PDE4D: variants seen among roughly 807,000 people sequenced by gnomAD.
PDE4D encodes the protein 3',5'-cyclic-AMP phosphodiesterase 4D.
PDE4D carries 24 observed loss-of-function variants against 87.4 expected under a neutral mutation model. That is an observed-to-expected ratio of 0.27 (90% CI 0.20 to 0.39). The LOEUF (loss-of-function observed/expected upper bound fraction) is 0.39. Ranked by LOEUF, PDE4D falls within the 10% of genes least tolerant of loss-of-function variation. PDE4D has a pLI of 1.00. For missense variants in PDE4D, 714 were observed against 1,041.0 expected (o/e 0.69, Z 4.32); for synonymous variants, 384 against 383.2 (o/e 1.00, Z -0.02).
chr5:59,978,355 T>A (rs1355871231), intron 3 of PDE4D, among the ~76,000 whole-genome samples: 1 of 152,126 alleles, frequency 6.6e-6, no homozygotes, highest in East Asian at 1.9e-4. Context: ...TGGAAGAAAT[T>A]GATTCCAACC....
chr5:58,976,939 C>T (rs1743959467), intron 12 of PDE4D, among the ~76,000 whole-genome samples: 1 of 152,114 alleles, frequency 6.6e-6, no homozygotes, highest in East Asian at 1.9e-4. Flanking sequence ...TCTCTGCCCG[C>T]CACCAGACTG....
chr5:59,406,209 TTGG>T (rs1467745550), intron 1 of PDE4D, among the ~76,000 whole-genome samples: 2 of 152,158 alleles, frequency 1.3e-5, no homozygotes, highest in Non-Finnish European at 2.9e-5. Context: ...CTTGATGGTA[TTGG>T]TCTGTTCAGG....
chr5:59,538,863 G>A (rs1316154263), intron 1 of PDE4D, among the ~76,000 whole-genome samples: 1 of 152,102 alleles, frequency 6.6e-6, no homozygotes, highest in Non-Finnish European at 1.5e-5. Flanking sequence ...TGCACATTCA[G>A]TAATGTGGTA....
chr5:60,337,597 G>A (rs1432740825), intron 1 of PDE4D, among the ~76,000 whole-genome samples: 3 of 151,606 alleles, frequency 2.0e-5, no homozygotes, highest in Non-Finnish European at 4.4e-5. Context: ...GGATTTTACT[G>A]TAAATAAATA....
rs1295982121 is a variant in PDE4D at position 59,661,182 on chromosome 5, A to G, written c.455+231986T>C. On this transcript the variant is annotated intron_variant, in intron 1 of 14. Transcript: ENST00000340635. ...AGTTTTAATAACTATAAACATGTTG[A>G]ACATTTTAAATTTCTGGCAATATAA... Among the ~76,000 whole-genome samples the G allele has an allele frequency of 5.3e-5, 8 of 151,902 alleles. No individual in the cohort carries two copies. The East Asian group carries it at 1.4e-3, about 26-fold the overall frequency.
intron 1 of PDE4D, among the ~76,000 whole-genome samples, chr5:59,353,449 T>C (rs191039410): frequency 1.9e-4 from 29 of 152,106 alleles, no homozygotes; most frequent in African/African-American, 7.0e-4. Context: ...CTCTTTCTTC[T>C]CTATAATACT....
chr5:60,226,230 T>C (rs889374098), intron 1 of PDE4D, among the ~76,000 whole-genome samples: 1 of 152,108 alleles, frequency 6.6e-6, no homozygotes, highest in Non-Finnish European at 1.5e-5. Flanking sequence ...AAAGGGTTCT[T>C]TAAAGTGACT....
intron 1 of PDE4D, among the ~76,000 whole-genome samples, chr5:59,645,528 A>T (rs1285188739): frequency 6.6e-6 from 1 of 152,106 alleles, no homozygotes; most frequent in African/African-American, 2.4e-5. Context: ...GTGTGATTAT[A>T]TTCTTGTGGT....
intron 1 of PDE4D, among the ~76,000 whole-genome samples, chr5:59,350,360 C>T (rs1471393443): frequency 6.6e-6 from 1 of 152,090 alleles, no homozygotes; most frequent in Non-Finnish European, 1.5e-5. Flanking sequence ...GCACACAGAG[C>T]CAGGGTTCTA....
At chr5:60,360,947 T>C (rs1301753685) in intron 1 of PDE4D, among the ~76,000 whole-genome samples, 1 of 152,222 alleles carries the variant, frequency 6.6e-6, no homozygotes, top group Non-Finnish European at 1.5e-5. Flanking sequence ...GGAAATGAAC[T>C]ATCAAATCCT....
intron 3 of PDE4D, among the ~76,000 whole-genome samples, chr5:59,908,379 C>T (rs1008317433): frequency 7.9e-5 from 12 of 152,230 alleles, no homozygotes; most frequent in East Asian, 1.9e-4. Context: ...TTATTGGTTA[C>T]GGCTTCCGAA....
At chr5:59,191,336 T>C (rs556678933) in intron 3 of PDE4D, among the ~76,000 whole-genome samples, 112 of 152,088 alleles carry the variant, frequency 7.4e-4, no homozygotes, top group African/African-American at 2.6e-3. Flanking sequence ...TATTACTTGA[T>C]GTAAAAGACC....
intron 1 of PDE4D, among the ~76,000 whole-genome samples, chr5:59,574,073 T>A (rs1232478297): frequency 2.6e-4 from 4 of 15,496 alleles, no homozygotes; most frequent in East Asian, 3.4e-3. Flanking sequence ...TATATATATT[T>A]ATATATATAT....
chr5:59,154,740 G>C (rs1197994439), intron 5 of PDE4D, among the ~76,000 whole-genome samples: 1 of 152,134 alleles, frequency 6.6e-6, no homozygotes, highest in Admixed American at 6.5e-5. Context: ...ACAAAAATTA[G>C]CTGGGTGTGA....
chr5:59,375,167 C>T (rs1196164487), intron 1 of PDE4D, among the ~76,000 whole-genome samples: 1 of 152,036 alleles, frequency 6.6e-6, no homozygotes, highest in East Asian at 1.9e-4. Flanking sequence ...CAGCAGATGA[C>T]AAGAAATAAC....
In PDE4D at chr5:59,801,433, A is replaced by C. The variant is rs1767113636; in HGVS notation, c.455+91735T>G. Among the ~76,000 whole-genome samples, 7 of 152,334 alleles carry C rather than the reference A, an allele frequency of 4.6e-5. No homozygotes were observed. The South Asian group carries it at 1.4e-3, about 32-fold the overall frequency. ...AAGAGCTATTTCCTAGGTATATTTTAGGAACTTATCTGGTGATATCTATCT... is the reference window on the plus strand; with the variant it reads ...AAGAGCTATTTCCTAGGTATATTTTCGGAACTTATCTGGTGATATCTATCT... On this transcript the variant is annotated intron_variant, in intron 1 of 14. Transcript: ENST00000340635.
chr5:60,303,079 T>TA (rs1754071209), intron 1 of PDE4D, among the ~76,000 whole-genome samples: 1 of 152,164 alleles, frequency 6.6e-6, no homozygotes, highest in Admixed American at 6.5e-5. Context: ...TCCGCTCACC[T>TA]AGGCCTCCCC....
At chr5:59,057,067 G>A (rs1461815619) in intron 5 of PDE4D, among the ~76,000 whole-genome samples, 2 of 152,168 alleles carry the variant, frequency 1.3e-5, no homozygotes, top group Non-Finnish European at 2.9e-5. Flanking sequence ...ATTCATTAAG[G>A]TGAGAAACCA....
At chr5:59,457,411 T>C (rs754324218) in intron 1 of PDE4D, among the ~76,000 whole-genome samples, 6 of 152,352 alleles carry the variant, frequency 3.9e-5, no homozygotes, top group African/African-American at 1.2e-4. Context: ...TAATAGACTA[T>C]AGTGTAAACA....
Sources: gnomAD v4.1 joint callset for allele counts (sites outside exome capture counted in the v4.1 genomes callset) on GRCh38, gnomAD v4.1.1 for gene constraint, MANE v1.5 for transcripts, NCBI Gene and HGNC (gene_info 2026-07-23, HGNC 2026-07-21) for gene names.